INTS2: variants seen among roughly 807,000 people sequenced by gnomAD.
The protein encoded by INTS2 is integrator complex subunit 2.
In INTS2, 57 loss-of-function variants were observed where a neutral mutation model predicts 139.6. The observed-to-expected ratio is 0.41, with a 90% CI of 0.33 to 0.51. The LOEUF is 0.51. INTS2 is among the 20% of genes least tolerant of loss of function. INTS2 has a pLI of 0.28. For missense variants in INTS2, 1,196 were observed against 1,436.7 expected (o/e 0.83, Z 2.71); for synonymous variants, 473 against 493.4 (o/e 0.96, Z 0.55).
intron 17 of INTS2, 45 bp from the exon 18 acceptor site, chr17:61,878,133 T>C (rs1184016923): frequency 8.2e-7 from 1 of 1,214,310 alleles, no homozygotes; most frequent in Admixed American, 1.7e-5. Flanking sequence ...CTGTACAGTT[T>C]ATCAAGCAGG....
In INTS2 at chr17:61,872,129, T is replaced by C. The variant is rs865865505; in HGVS notation, c.2778+136A>G. 8.0e-6 allele frequency: 4 copies of C among 499,614 alleles called. No homozygotes were observed. The Middle Eastern group carries it at 1.5e-3, about 193-fold the overall frequency. 30.9% of individuals were successfully genotyped at this position (499,614 alleles called of 1,614,324 possible). A position where few individuals can be genotyped will look rare whatever the true frequency, so the allele number is the denominator to read the frequency against. ...AGAAGCAAAGGTAACATCATTGTAA[T>C]AGATTCTATAATAAAAGAAATGCAC... On this transcript the variant is annotated intron_variant, in intron 20 of 24. Transcript: ENST00000251334. The surrounding 1 kb of genome is among the most constrained non-coding windows in gnomAD (Gnocchi z 4.8).
chr17:61,915,341 AAAATAAATAAATAAAT>A (rs58856021), intron 5 of INTS2, among the ~76,000 whole-genome samples: 80 of 141,398 alleles, frequency 5.7e-4, no homozygotes, highest in African/African-American at 2.0e-3. Flanking sequence ...CCGTCTCAAA[AAAATAAATAAATAAAT>A]AAATAAATAA....
At position 61,868,232 on chromosome 17, in the gene INTS2, A is replaced by T. The variant is rs903650766; in HGVS notation, c.3245-223T>A. On this transcript the variant is annotated intron_variant, in intron 23 of 24. Transcript: ENST00000251334. The surrounding 1 kb of genome is among the most constrained non-coding windows in gnomAD (Gnocchi z 4.7). ...ATAAGTACATTACATGCATTATTTC[A>T]TTGAATTCCTACAATCTTATGAATG... Among the ~76,000 whole-genome samples, 11 of 152,172 alleles carry T rather than the reference A, an allele frequency of 7.2e-5. No individual in the cohort carries two copies. Among genetic ancestry groups the T allele is most frequent in the Non-Finnish European group, 1.5e-4 (10 of 68,004 alleles).
At chr17:61,914,610 GGAGAATGGC>G (rs2079560145) in intron 5 of INTS2, among the ~76,000 whole-genome samples, 1 of 151,836 alleles carries the variant, frequency 6.6e-6, no homozygotes, top group South Asian at 2.1e-4. Flanking sequence ...GGCTGAGGCG[GGAGAATGGC>G]GTGAACACAG....
chr17:61,900,618 T>C (rs1327038934), intron 9 of INTS2, among the ~76,000 whole-genome samples: 2 of 152,192 alleles, frequency 1.3e-5, no homozygotes, highest in African/African-American at 4.8e-5. Flanking sequence ...AAAGACCCAC[T>C]TATGCATTAG....
chr17:61,896,002 G>A (rs1397632953), intron 11 of INTS2, among the ~76,000 whole-genome samples: 1 of 152,034 alleles, frequency 6.6e-6, no homozygotes, highest in Non-Finnish European at 1.5e-5. Context: ...AGCACTTTGG[G>A]AGGCCGAGGA....
At chr17:61,900,422 G>A (rs1373812837) in intron 9 of INTS2, among the ~76,000 whole-genome samples, 4 of 152,148 alleles carry the variant, frequency 2.6e-5, no homozygotes, top group African/African-American at 9.7e-5. Flanking sequence ...TGAATTAAGG[G>A]ACAACCAGGT....
rs1567925830 is a variant in INTS2, at chr17:61,927,944, T to C, written c.-309A>G. The C allele has an allele frequency of 1.2e-6, 2 of 1,613,838 alleles. 1 individual carries two copies. The highest frequency in any genetic ancestry group is 1.7e-6 in the Non-Finnish European group (2 of 1,179,872). On this transcript the variant is annotated 5_prime_UTR_variant, in exon 1 of 25. It removes an upstream start codon present in the reference 5' UTR. Transcript: ENST00000251334. ...AACCTGCACCCAGCACCTTCATTCATCCCCAGCGTCTGACTCCCGTCGGCC... is the reference window on the plus strand; with the variant it reads ...AACCTGCACCCAGCACCTTCATTCACCCCCAGCGTCTGACTCCCGTCGGCC...
chr17:61,903,255 T>C (rs1481459316), intron 9 of INTS2, among the ~76,000 whole-genome samples: 1 of 148,630 alleles, frequency 6.7e-6, no homozygotes, highest in East Asian at 2.0e-4. Flanking sequence ...GGAGTCGCAC[T>C]ATGTTGCCCC....
intron 15 of INTS2, among the ~76,000 whole-genome samples, chr17:61,885,896 T>C (rs577973304): frequency 1.3e-5 from 2 of 151,372 alleles, no homozygotes; most frequent in East Asian, 1.9e-4. Flanking sequence ...GCCCATCTAA[T>C]TTTTTGTATT....
intron 8 of INTS2, among the ~76,000 whole-genome samples, chr17:61,905,870 T>C (rs1044999604): frequency 6.6e-5 from 10 of 152,112 alleles, no homozygotes; most frequent in African/African-American, 1.2e-4. Context: ...GCTAATTTTG[T>C]ATTTTTAGTA....
At position 61,867,300 on chromosome 17, in the gene INTS2, G is replaced by A. The variant is rs2079053239; in HGVS notation, c.*257C>T. 1 of 248,310 alleles carries A rather than the reference G, an allele frequency of 4.0e-6. No homozygotes were observed. The highest frequency in any genetic ancestry group is 5.2e-5 in the Admixed American group (1 of 19,222). 15.4% of individuals were successfully genotyped at this position (248,310 alleles called of 1,614,324 possible). Reference sequence around the variant, plus strand: ...CTTTCCAATAATGAGTTTCTTACATGTGTTCCCAGTGGAAAAAAAAAAAGC... The same window carrying A: ...CTTTCCAATAATGAGTTTCTTACATATGTTCCCAGTGGAAAAAAAAAAAGC... On this transcript the variant is annotated 3_prime_UTR_variant, in exon 25 of 25. Coordinates refer to ENST00000251334, the MANE Select transcript of INTS2 (RefSeq NM_001351695.2). This position sits in a 1 kb window ranked among gnomAD's most constrained non-coding sequence, Gnocchi z 5.6.
chr17:61,911,067 G>C (rs2079521506), intron 7 of INTS2: 1 of 167,758 alleles, frequency 6.0e-6, no homozygotes, highest in African/African-American at 2.4e-5. Flanking sequence ...ACATTTAATA[G>C]GGTTATTGTT....
intron 12 of INTS2, among the ~76,000 whole-genome samples, chr17:61,894,970 G>A (rs2079332410): frequency 6.6e-6 from 1 of 152,150 alleles, no homozygotes; most frequent in African/African-American, 2.4e-5. Context: ...GAATTTTACA[G>A]CCTAAAGGTT....
chr17:61,911,461 T>C, intron 7 of INTS2, 59 bp downstream of exon 7: 3 of 1,429,324 alleles, frequency 2.1e-6, no homozygotes, highest in Non-Finnish European at 2.8e-6. Context: ...TGTTTCTTTC[T>C]CTTTTAGCAG....
At chr17:61,874,123 AAG>A (rs2079109524) in intron 19 of INTS2, 1 of 152,146 alleles carries the variant, frequency 6.6e-6, no homozygotes, top group South Asian at 2.1e-4. Flanking sequence ...AGAGGGAACA[AAG>A]AAATCTGTAC....
At chr17:61,919,238 A>G (rs898355515) in intron 5 of INTS2, among the ~76,000 whole-genome samples, 162 bp downstream of exon 5, 1 of 152,018 alleles carries the variant, frequency 6.6e-6, no homozygotes, top group African/African-American at 2.4e-5. Context: ...TTTAAACTCA[A>G]TACAATTTGT....
At chr17:61,902,610 A>G (rs953557519) in intron 9 of INTS2, among the ~76,000 whole-genome samples, 1 of 151,868 alleles carries the variant, frequency 6.6e-6, no homozygotes, top group Non-Finnish European at 1.5e-5. Context: ...ACAGTGGCTC[A>G]CCCCTGTAAA....
chr17:61,888,036 A>G lies in INTS2; in HGVS notation c.1984+1750T>C, dbSNP rs574034138. Among the ~76,000 whole-genome samples the G allele has an allele frequency of 7.0e-4, 106 of 152,030 alleles. 1 individual carries two copies. The highest frequency in any genetic ancestry group is 2.5e-3 in the African/African-American group (102 of 41,470). On this transcript the variant is annotated intron_variant, in intron 15 of 24. Coordinates refer to ENST00000251334, the MANE Select transcript of INTS2 (RefSeq NM_001351695.2). ...CACTGCATTCCAGCCTGGGTGACAG[A>G]GTGAGATTTTGTCTCAAAAAAAAAA...
Sources: allele counts gnomAD v4.1 joint callset (sites outside exome capture counted in the v4.1 genomes callset), GRCh38; gene constraint gnomAD v4.1.1; non-coding constraint Gnocchi (gnomAD v3.1); transcripts MANE v1.5; gene names NCBI Gene and HGNC (gene_info 2026-07-23, HGNC 2026-07-21).